Variants in DSCAML1 observed in about 807,000 individuals in gnomAD.
DSCAML1 encodes cell adhesion molecule DSCAML1.
In DSCAML1, 38 loss-of-function variants were observed where a neutral mutation model predicts 200.5. That is an observed-to-expected ratio of 0.19 (90% CI 0.15 to 0.25). The LOEUF (loss-of-function observed/expected upper bound fraction) is 0.25. DSCAML1 is among the 10% of genes least tolerant of loss of function. The pLI is 1.00. For synonymous variants in DSCAML1, 1,215 were observed against 1,165.0 expected (o/e 1.04, Z -0.87); for missense variants, 2,223 against 2,858.8 (o/e 0.78, Z 5.07).
chr11:117,494,293 G>A (rs897588437), intron 11 of DSCAML1, among the ~76,000 whole-genome samples: 14 of 152,224 alleles, frequency 9.2e-5, no homozygotes, highest in Admixed American at 9.2e-4. Flanking sequence ...CCACTCTGCT[G>A]TTGTACCTGG....
rs542071123 is a variant in DSCAML1, at chr11:117,505,429, C to T, written c.2062+25G>A. 1 of 1,599,642 alleles carries T rather than the reference C, an allele frequency of 6.3e-7. No homozygotes were observed. The highest frequency in any genetic ancestry group is 8.5e-7 in the Non-Finnish European group (1 of 1,175,490). On this transcript the variant is annotated intron_variant, in intron 9 of 32. Transcript: ENST00000651296. This position sits in a 1 kb window ranked among gnomAD's most constrained non-coding sequence, Gnocchi z 6.7. ...CAGGCAGAATGGGCTCCTCCCTCCCCTGAGGCTGGCCTGTCCCTGCTCACC... is the reference window on the plus strand; with the variant it reads ...CAGGCAGAATGGGCTCCTCCCTCCCTTGAGGCTGGCCTGTCCCTGCTCACC...
In DSCAML1 at chr11:117,504,166, C is replaced by T. The variant is rs2049448227; in HGVS notation, c.2183-145G>A. On this transcript the variant is annotated intron_variant, in intron 10 of 32. Transcript: ENST00000651296. The surrounding 1 kb of genome is among the most constrained non-coding windows in gnomAD (Gnocchi z 5.0). The stretch of plus-strand genomic sequence containing the variant: ...CACCATCCCCAAAGTGCTGAGGCCA[C>T]ATGGCTCCTGGTGGGCAACAGGAAA... The T allele has an allele frequency of 2.1e-6, 2 of 967,418 alleles. No individual in the cohort carries two copies. The highest frequency in any genetic ancestry group is 3.0e-6 in the Non-Finnish European group (2 of 665,210). The allele number at this position is 967,418 out of a possible 1,614,324, so 59.9% of individuals were successfully genotyped here. A position where few individuals can be genotyped will look rare whatever the true frequency, so the allele number is the denominator to read the frequency against.
chr11:117,746,011 G>A (rs1002264863), intron 3 of DSCAML1, among the ~76,000 whole-genome samples: 9 of 151,544 alleles, frequency 5.9e-5, no homozygotes, highest in Non-Finnish European at 1.0e-4. Flanking sequence ...TCAGGAGATC[G>A]AGAACACCCT....
chr11:117,695,405 A>G (rs1414186206), intron 3 of DSCAML1, among the ~76,000 whole-genome samples: 1 of 148,524 alleles, frequency 6.7e-6, no homozygotes, highest in African/African-American at 2.5e-5. Context: ...CATGCTGAGC[A>G]TGGTAGGAAC....
At chr11:117,707,603 G>C (rs548783235) in intron 3 of DSCAML1, among the ~76,000 whole-genome samples, 1 of 152,162 alleles carries the variant, frequency 6.6e-6, no homozygotes, top group African/African-American at 2.4e-5. Flanking sequence ...GCGTGACCTC[G>C]ACTCACTGCA....
At position 117,754,135 on chromosome 11, in the gene DSCAML1, T is replaced by C. The variant is rs1167237807; in HGVS notation, c.511+22656A>G. Among the ~76,000 whole-genome samples the C allele has an allele frequency of 7.3e-5, 11 of 151,564 alleles. 1 individual carries two copies. On this transcript the variant is annotated intron_variant, in intron 3 of 32. Transcript: ENST00000651296. Reference sequence around the variant, plus strand: ...AGCAAGCCTGGAATGGGGAGGGGGGTAGAAAGCCCCCAGAGCCTAGAGATT... The same window carrying C: ...AGCAAGCCTGGAATGGGGAGGGGGGCAGAAAGCCCCCAGAGCCTAGAGATT...
intron 3 of DSCAML1, among the ~76,000 whole-genome samples, chr11:117,652,080 G>T (rs1398243288): frequency 6.6e-6 from 1 of 152,162 alleles, no homozygotes; most frequent in Admixed American, 6.5e-5. Context: ...TCAGGGTTCG[G>T]AGATCGCAAG....
intron 14 of DSCAML1, 103 bp from the exon 15 acceptor site, chr11:117,472,139 G>T: frequency 7.5e-7 from 1 of 1,341,772 alleles, no homozygotes; most frequent in Non-Finnish European, 1.0e-6. Flanking sequence ...GATGCCCGAG[G>T]GGTCCAGCTC....
At chr11:117,481,489 A>G (rs1440366631) in intron 12 of DSCAML1, among the ~76,000 whole-genome samples, 2 of 122,934 alleles carry the variant, frequency 1.6e-5, no homozygotes, top group Non-Finnish European at 3.4e-5. Context: ...CCAGAGGGAG[A>G]GAGGGGCTGA....
chr11:117,477,155 G>T (rs1178008980), intron 14 of DSCAML1, among the ~76,000 whole-genome samples: 1 of 150,602 alleles, frequency 6.6e-6, no homozygotes, highest in Non-Finnish European at 1.5e-5. Context: ...CTTTGCCAGT[G>T]GTTCTTGTTC....
At chr11:117,638,867 T>C (rs2052343455) in intron 3 of DSCAML1, among the ~76,000 whole-genome samples, 1 of 152,182 alleles carries the variant, frequency 6.6e-6, no homozygotes, top group Non-Finnish European at 1.5e-5. Context: ...TGCGTGGATG[T>C]ATGTTTTCCT....
chr11:117,584,014 C>T (rs114692131), intron 3 of DSCAML1, among the ~76,000 whole-genome samples: 23 of 152,342 alleles, frequency 1.5e-4, no homozygotes, highest in African/African-American at 3.1e-4. Context: ...CATCTCCTCA[C>T]GGCCAAAGGC....
chr11:117,714,881 C>T (rs544411108), intron 3 of DSCAML1, among the ~76,000 whole-genome samples: 50 of 147,262 alleles, frequency 3.4e-4, no homozygotes, highest in African/African-American at 1.1e-3. Flanking sequence ...TGGAGACACA[C>T]GATGACGCAG....
At chr11:117,734,150 C>T (rs1489594515) in intron 3 of DSCAML1, among the ~76,000 whole-genome samples, 1 of 152,202 alleles carries the variant, frequency 6.6e-6, no homozygotes, top group African/African-American at 2.4e-5. Flanking sequence ...GGGGGACTGT[C>T]CGGGGAAGTC....
intron 8 of DSCAML1, among the ~76,000 whole-genome samples, chr11:117,514,339 C>G (rs2049710870): frequency 6.6e-6 from 1 of 152,216 alleles, no homozygotes; most frequent in Admixed American, 6.5e-5. Context: ...CCCCAGGTGA[C>G]AGGGCCCTCA....
At chr11:117,443,443 T>C (rs564660615) in intron 21 of DSCAML1, among the ~76,000 whole-genome samples, 87 of 152,368 alleles carry the variant, frequency 5.7e-4, no homozygotes, top group African/African-American at 1.9e-3. Context: ...GAATCCGCCA[T>C]CGCTGGAATC....
intron 3 of DSCAML1, among the ~76,000 whole-genome samples, chr11:117,710,662 G>A (rs759873954): frequency 1.3e-5 from 2 of 152,214 alleles, no homozygotes; most frequent in Non-Finnish European, 2.9e-5. Context: ...GTGCCTACCT[G>A]TGAGGTCATT....
chr11:117,487,389 T>G (rs2049097175), intron 11 of DSCAML1, among the ~76,000 whole-genome samples: 1 of 152,336 alleles, frequency 6.6e-6, no homozygotes, highest in African/African-American at 2.4e-5. Flanking sequence ...TTCTACTGAA[T>G]GGAACTGGTA....
chr11:117,716,541 C>T (rs1215450636), intron 3 of DSCAML1, among the ~76,000 whole-genome samples: 4 of 152,076 alleles, frequency 2.6e-5, no homozygotes, highest in Non-Finnish European at 5.9e-5. Flanking sequence ...AACAGGTGGG[C>T]GTGCCTAGCC....
Sources: allele counts gnomAD v4.1 joint callset (sites outside exome capture counted in the v4.1 genomes callset), GRCh38; gene constraint gnomAD v4.1.1; non-coding constraint Gnocchi (gnomAD v3.1); transcripts MANE v1.5; gene names NCBI Gene and HGNC (gene_info 2026-07-23, HGNC 2026-07-21).